Variants in PIK3C2G observed in about 807,000 individuals in gnomAD.
The protein encoded by PIK3C2G is phosphatidylinositol-4-phosphate 3-kinase catalytic subunit type 2 gamma.
PIK3C2G carries 168 observed loss-of-function variants against 181.1 expected under a neutral mutation model. That is an observed-to-expected ratio of 0.93 (90% CI 0.82 to 1.05). The LOEUF (loss-of-function observed/expected upper bound fraction) is 1.05, where lower values mean the gene tolerates loss of function less well. Among genes scored for constraint, PIK3C2G ranks in the 50% least tolerant of loss-of-function variants. The pLI is 0.00. For missense variants in PIK3C2G, 1,869 were observed against 1,732.8 expected (o/e 1.08, Z -1.40); for synonymous variants, 573 against 592.2 (o/e 0.97, Z 0.47).
At chr12:18,368,365 C>T (rs1336373589) in intron 12 of PIK3C2G, among the ~76,000 whole-genome samples, 1 of 152,120 alleles carries the variant, frequency 6.6e-6, no homozygotes, top group Admixed American at 6.5e-5. Context: ...AAAAGTAAGA[C>T]TTAGAAAGGT....
Position 18,503,339 on chromosome 12 carries a change from A to C in PIK3C2G, c.3075A>C (p.Gly1025=). The C allele has an allele frequency of 6.2e-7, 1 of 1,611,378 alleles. No homozygotes were observed. The highest frequency in any genetic ancestry group is 1.1e-5 in the South Asian group (1 of 90,888). The change falls in exon 23 of 33, where the codon GGA becomes GGC. Residue 1025 remains glycine (G), a synonymous_variant. Transcript: ENST00000538779. ...VTLAKIHRHS[G]LIGPLKENTI... is the part of the protein sequence containing the mutation. ...TAGCAAAGATTCATCGCCATTCTGGACTGATAGGACCATTGAAAGAAAATA... is the reference window on the plus strand; with the variant it reads ...TAGCAAAGATTCATCGCCATTCTGGCCTGATAGGACCATTGAAAGAAAATA...
At chr12:18,475,312 A>C (rs1938865178) in intron 18 of PIK3C2G, among the ~76,000 whole-genome samples, 1 of 151,650 alleles carries the variant, frequency 6.6e-6, no homozygotes, top group African/African-American at 2.4e-5. Context: ...AATTCTTTAG[A>C]GATAAATGCT....
chr12:18,693,636 T>C, the PIK3C2G span: 1 of 1,564,188 alleles, frequency 6.4e-7, no homozygotes, highest in African/African-American at 1.4e-5. Flanking sequence ...ATTGATGAAA[T>C]TGACGCCATT....
rs1491046164 is a variant in PIK3C2G at position 18,303,144 on chromosome 12, T to TTTC, written c.1034+9131_1034+9132insCTT. On this transcript the variant is annotated intron_variant, in intron 5 of 32. Transcript: ENST00000538779. ...TTTCTTTCTTTCTTTCTTTCTTTTC[T>TTTC]TTTCTTTCTTCTTTCTCTTTCTTTC... is the stretch of plus-strand genomic sequence containing the variant. Among the ~76,000 whole-genome samples the TTTC allele has an allele frequency of 3.8e-3, 417 of 110,532 alleles. 4 individuals are homozygous for TTTC. Among genetic ancestry groups the TTTC allele is most frequent in the East Asian group, 0.011 (41 of 3,680 alleles). The allele number at this position is 110,532 out of a possible 152,430, so 72.5% of individuals were successfully genotyped here.
At chr12:18,617,003 A>G (rs1176567750) in intron 31 of PIK3C2G, among the ~76,000 whole-genome samples, 1 of 152,166 alleles carries the variant, frequency 6.6e-6, no homozygotes, top group African/African-American at 2.4e-5. Context: ...TTCCTGAATT[A>G]AAACTCTAAT....
the PIK3C2G span, chr12:18,719,285 T>C: frequency 4.5e-6 from 2 of 442,534 alleles, no homozygotes. Flanking sequence ...CTTCAAGATA[T>C]GTACAAGTAA....
intron 29 of PIK3C2G, among the ~76,000 whole-genome samples, chr12:18,587,264 G>C (rs1298387411): frequency 5.9e-5 from 9 of 151,976 alleles, no homozygotes; most frequent in Non-Finnish European, 1.2e-4. Context: ...AGGAAGTCAA[G>C]CTATCTCTGT....
intron 26 of PIK3C2G, among the ~76,000 whole-genome samples, chr12:18,561,028 A>G (rs1183257522): frequency 1.3e-5 from 2 of 152,222 alleles, no homozygotes; most frequent in Non-Finnish European, 2.9e-5. Flanking sequence ...TGTTATATCA[A>G]GGCAAACTAA....
intron 5 of PIK3C2G, among the ~76,000 whole-genome samples, chr12:18,299,333 T>A (rs538564849): frequency 1.3e-5 from 2 of 152,040 alleles, no homozygotes; most frequent in African/African-American, 4.8e-5. Context: ...TCTTAATTTT[T>A]TTCCAGTTAG....
chr12:18,614,113 A>G (rs1410715072), intron 31 of PIK3C2G, among the ~76,000 whole-genome samples: 1 of 152,074 alleles, frequency 6.6e-6, no homozygotes, highest in Non-Finnish European at 1.5e-5. Context: ...ATAAATGTCA[A>G]TTTTTAAAAT....
Position 18,409,310 on chromosome 12 carries a change from C to T in PIK3C2G, c.2315+9463C>T, listed in dbSNP as rs114478678. Among the ~76,000 whole-genome samples, 1,342 of 152,156 alleles carry T rather than the reference C, an allele frequency of 8.8e-3. 16 individuals are homozygous for T. The highest frequency in any genetic ancestry group is 0.031 in the African/African-American group (1,295 of 41,516). ...ACTAACATGAGAACAGAAAACTAAA[C>T]CCCAACTGTTCTCGCTTGTAAGTGG... is the stretch of plus-strand genomic sequence containing the variant. On this transcript the variant is annotated intron_variant, in intron 16 of 32. Coordinates refer to ENST00000538779, the MANE Select transcript of PIK3C2G (RefSeq NM_001288772.2).
intron 8 of PIK3C2G, among the ~76,000 whole-genome samples, chr12:18,334,604 A>G (rs1938333641): frequency 6.6e-6 from 1 of 151,890 alleles, no homozygotes; most frequent in Non-Finnish European, 1.5e-5. Context: ...CTGAAATGTT[A>G]TGCACCCAGT....
rs1247708969 is a variant in PIK3C2G, at chr12:18,638,675, A to C, written c.4183-1754A>C. Reference sequence around the variant, plus strand: ...TAACACCCTTACAGACAAACCTAGAAATAATGTTTAACCAGATATCTGGGC... The same window carrying C: ...TAACACCCTTACAGACAAACCTAGACATAATGTTTAACCAGATATCTGGGC... On this transcript the variant is annotated intron_variant, in intron 31 of 32. Coordinates refer to ENST00000538779, the MANE Select transcript of PIK3C2G (RefSeq NM_001288772.2). Among the ~76,000 whole-genome samples the C allele has an allele frequency of 2.0e-5, 3 of 152,064 alleles. No individual in the cohort carries two copies. In the South Asian group the frequency reaches 6.2e-4, roughly 32 times the overall value.
chr12:18,322,921 G>T lies in PIK3C2G; in HGVS notation c.1208+1889G>T, dbSNP rs547280595. Among the ~76,000 whole-genome samples the T allele has an allele frequency of 9.9e-5, 15 of 152,256 alleles. No homozygotes were observed. The East Asian group carries it at 1.2e-3, about 12-fold the overall frequency. On this transcript the variant is annotated intron_variant, in intron 7 of 32. Coordinates refer to ENST00000538779, the MANE Select transcript of PIK3C2G (RefSeq NM_001288772.2). ...CTCCAAAATAAATCTACCCAGGGGT[G>T]GGGGGAACAGAGAGAAAGGGAGAGA...
chr12:18,721,770 G>A, the PIK3C2G span, among the ~76,000 whole-genome samples: 4 of 150,360 alleles, frequency 2.7e-5, no homozygotes, highest in African/African-American at 7.3e-5. Context: ...TGATATAGTC[G>A]CTTAGTATTC....
rs991476069 is a variant in PIK3C2G, at chr12:18,570,650, G to T, written c.4011+3593G>T. ...GGTTTCCCACAGGGAGTTCTAATTA[G>T]AGGATTTAGGGCAAGCAGGTGCAGG... On this transcript the variant is annotated intron_variant, in intron 29 of 32. Transcript: ENST00000538779. 1.1e-4 allele frequency among the ~76,000 whole-genome samples: 17 copies of T among 150,354 alleles called. 1 individual carries two copies. The highest frequency in any genetic ancestry group is 3.7e-4 in the African/African-American group (15 of 40,084).
At chr12:18,448,324 G>A (rs914128805) in intron 18 of PIK3C2G, among the ~76,000 whole-genome samples, 1 of 151,898 alleles carries the variant, frequency 6.6e-6, no homozygotes, top group Non-Finnish European at 1.5e-5. Flanking sequence ...ATGATGTTTT[G>A]ATGTACATAG....
At chr12:18,518,293 T>C (rs1052775967) in intron 24 of PIK3C2G, among the ~76,000 whole-genome samples, 1 of 152,336 alleles carries the variant, frequency 6.6e-6, no homozygotes, top group Admixed American at 6.5e-5. Context: ...TTGTTTGGAA[T>C]AGTTTCAGAA....
intron 30 of PIK3C2G, among the ~76,000 whole-genome samples, chr12:18,606,091 T>C (rs546647254): frequency 1.3e-5 from 2 of 152,302 alleles, no homozygotes; most frequent in East Asian, 1.9e-4. Flanking sequence ...TGTCAATTCC[T>C]AGTGGTGTGA....
Sources: gnomAD v4.1 joint callset for allele counts (sites outside exome capture counted in the v4.1 genomes callset) on GRCh38, gnomAD v4.1.1 for gene constraint, MANE v1.5 for transcripts, NCBI Gene and HGNC (gene_info 2026-07-23, HGNC 2026-07-21) for gene names.